The following CPEB3 variants were observed in gnomAD, a reference collection of about 807,000 sequenced individuals.
CPEB3 encodes the protein cytoplasmic polyadenylation element-binding protein 3.
In CPEB3, 20 loss-of-function variants were observed where a neutral mutation model predicts 67.2. That is an observed-to-expected ratio of 0.30 (90% CI 0.21 to 0.43). The LOEUF is 0.43. Ranked by LOEUF, CPEB3 falls within the 20% of genes least tolerant of loss-of-function variation. The pLI is 1.00. For missense variants in CPEB3, 746 were observed against 968.6 expected (o/e 0.77, Z 3.05); for synonymous variants, 376 against 393.1 (o/e 0.96, Z 0.51).
chr10:92,165,912 A>G (rs936034134), intron 4 of CPEB3, among the ~76,000 whole-genome samples: 1 of 152,128 alleles, frequency 6.6e-6, no homozygotes, highest in African/African-American at 2.4e-5. Flanking sequence ...TGAACCCCTC[A>G]AAGTTGTCCA....
At chr10:92,176,606 C>T (rs145729283) in intron 4 of CPEB3, among the ~76,000 whole-genome samples, 8 of 152,320 alleles carry the variant, frequency 5.3e-5, no homozygotes, top group Non-Finnish European at 5.9e-5. Context: ...AGCAACTTTC[C>T]GATATTTATC....
intron 2 of CPEB3, among the ~76,000 whole-genome samples, chr10:92,205,298 C>T (rs530461565): frequency 1.3e-5 from 2 of 152,168 alleles, no homozygotes; most frequent in African/African-American, 4.8e-5. Flanking sequence ...TAACAAGCCT[C>T]GTAGAACTGA....
chr10:92,216,436 G>A (rs1850398899), intron 2 of CPEB3: 7 of 1,612,394 alleles, frequency 4.3e-6, no homozygotes, highest in Non-Finnish European at 5.9e-6. Context: ...ACCCCATCGC[G>A]CAGCTCCTGG....
At chr10:92,119,096 C>T (rs80205078) in intron 6 of CPEB3, 23 of 1,584,398 alleles carry the variant, frequency 1.5e-5, no homozygotes, top group Non-Finnish European at 1.8e-5. Context: ...GATTCCCCAG[C>T]TATACCAGTC....
intron 4 of CPEB3, among the ~76,000 whole-genome samples, chr10:92,157,995 T>C (rs935378551): frequency 1.3e-5 from 2 of 151,644 alleles, no homozygotes; most frequent in African/African-American, 4.8e-5. Flanking sequence ...AACACACTCA[T>C]ATTTACTCAC....
chr10:92,290,337 G>T (rs1209018197), intron 1 of CPEB3, among the ~76,000 whole-genome samples: 1 of 151,520 alleles, frequency 6.6e-6, no homozygotes, highest in Non-Finnish European at 1.5e-5. Flanking sequence ...TCTCCTTTTT[G>T]ATTCCCCACC....
chr10:92,170,542 C>T (rs1847952221), intron 4 of CPEB3, among the ~76,000 whole-genome samples: 1 of 151,968 alleles, frequency 6.6e-6, no homozygotes, highest in Non-Finnish European at 1.5e-5. Flanking sequence ...CAGCATTCCA[C>T]TAAGAATAAT....
At chr10:92,263,535 G>T (rs2072743793) in intron 1 of CPEB3, among the ~76,000 whole-genome samples, 1 of 152,134 alleles carries the variant, frequency 6.6e-6, no homozygotes, top group South Asian at 2.1e-4. Flanking sequence ...TTAATATCAG[G>T]AGTCAAATTA....
intron 2 of CPEB3, among the ~76,000 whole-genome samples, chr10:92,206,281 C>A (rs1180550746): frequency 6.6e-6 from 1 of 152,028 alleles, no homozygotes; most frequent in African/African-American, 2.4e-5. Context: ...GCATGTTGGT[C>A]AGGCTGGTCT....
rs568683499 is a variant in CPEB3 at position 92,219,250 on chromosome 10, G to A, written c.1005+20096C>T. Among the ~76,000 whole-genome samples, 7 of 152,250 alleles carry A rather than the reference G, an allele frequency of 4.6e-5. No homozygotes were observed. The South Asian group carries it at 1.4e-3, about 32-fold the overall frequency. On this transcript the variant is annotated intron_variant, in intron 2 of 9. Coordinates refer to ENST00000265997, the MANE Select transcript of CPEB3 (RefSeq NM_014912.5). ...GGGCAATTGCTTAACTTCTTGGACT[G>A]TATAAAATGGCTGCCCTTTTAAATA...
chr10:92,061,419 CAAAAAA>C (rs148327302), intron 9 of CPEB3, among the ~76,000 whole-genome samples: 3 of 93,348 alleles, frequency 3.2e-5, no homozygotes, highest in Admixed American at 3.2e-4. Flanking sequence ...AATTCTGTCT[CAAAAAA>C]AAAAAAAAAA....
chr10:92,210,027 G>C (rs1850001603), intron 2 of CPEB3, among the ~76,000 whole-genome samples: 1 of 151,176 alleles, frequency 6.6e-6, no homozygotes, highest in Non-Finnish European at 1.5e-5. Context: ...GAAATGAAAA[G>C]GAAAAAGCAG....
At chr10:92,237,206 T>G (rs1851582769) in intron 2 of CPEB3, among the ~76,000 whole-genome samples, 1 of 152,228 alleles carries the variant, frequency 6.6e-6, no homozygotes, top group South Asian at 2.1e-4. Flanking sequence ...CACAACCAAC[T>G]TCCTCCTCTG....
intron 6 of CPEB3, among the ~76,000 whole-genome samples, chr10:92,135,046 A>C (rs1324342534): frequency 6.6e-6 from 1 of 152,228 alleles, no homozygotes; most frequent in Non-Finnish European, 1.5e-5. Context: ...TGTTAGACCT[A>C]AAACCATAAA....
At chr10:92,053,205 G>A (rs556932935) in intron 9 of CPEB3, among the ~76,000 whole-genome samples, 4 of 152,144 alleles carry the variant, frequency 2.6e-5, no homozygotes, top group Non-Finnish European at 5.9e-5. Flanking sequence ...TTCAATAGAC[G>A]ACAACTTTTC....
chr10:92,074,503 C>T (rs577083106), intron 9 of CPEB3, among the ~76,000 whole-genome samples: 1 of 152,110 alleles, frequency 6.6e-6, no homozygotes, highest in African/African-American at 2.4e-5. Flanking sequence ...CTATTGGGGA[C>T]GTATAAGCTC....
rs372955245 is a variant in CPEB3 at position 92,132,090 on chromosome 10, TTAA to T, written c.1453+10936_1453+10938del. On this transcript the variant is annotated intron_variant, in intron 6 of 9. Transcript: ENST00000265997. The stretch of plus-strand genomic sequence containing the variant: ...CTACATTTAAAACAAAACTAAGCCT[TTAA>T]AATGCAGTGTATATTTACACGTAAA... Among the ~76,000 whole-genome samples, 49 of 152,192 alleles carry T rather than the reference TTAA, an allele frequency of 3.2e-4. 1 individual carries two copies. The highest frequency in any genetic ancestry group is 1.2e-3 in the African/African-American group (48 of 41,450).
intron 1 of CPEB3, among the ~76,000 whole-genome samples, chr10:92,244,636 A>T (rs1851985317): frequency 1.3e-5 from 2 of 151,746 alleles, no homozygotes; most frequent in Non-Finnish European, 2.9e-5. Context: ...AAGGGTTTTC[A>T]CTGTGTTAGC....
At chr10:92,186,659 T>C (rs1848707624) in intron 3 of CPEB3, among the ~76,000 whole-genome samples, 1 of 152,140 alleles carries the variant, frequency 6.6e-6, no homozygotes, top group Admixed American at 6.5e-5. Context: ...GGTCTTGAAG[T>C]CCTGACCTCA....
Sources: gnomAD v4.1 joint callset for allele counts (sites outside exome capture counted in the v4.1 genomes callset) on GRCh38, gnomAD v4.1.1 for gene constraint, MANE v1.5 for transcripts, NCBI Gene and HGNC (gene_info 2026-07-23, HGNC 2026-07-21) for gene names.